Variants in RGS5 observed in about 807,000 individuals in gnomAD.
The protein encoded by RGS5 is regulator of G-protein signalling 5.
In RGS5, 20 loss-of-function variants were observed where a neutral mutation model predicts 18.9. The observed-to-expected ratio is 1.06, with a 90% CI of 0.74 to 1.54. The LOEUF (loss-of-function observed/expected upper bound fraction) is 1.54, where lower values mean the gene tolerates loss of function less well. RGS5 is among the 40% of genes most tolerant of loss of function. The pLI, the probability that RGS5 is intolerant of heterozygous loss-of-function variation, is 0.00. For synonymous variants in RGS5, 57 were observed against 76.2 expected, an observed-to-expected ratio of 0.75 and a Z score of 1.31; for missense variants, 201 against 211.8, an observed-to-expected ratio of 0.95 and a Z score of 0.32.
chr1:163,271,724 C>T lies in RGS5; in HGVS notation c.-281+34509G>A, dbSNP rs373625711. Among the ~76,000 whole-genome samples, 11 of 152,128 alleles carry T rather than the reference C, an allele frequency of 7.2e-5. No individual in the cohort carries two copies. In the East Asian group the frequency reaches 1.5e-3, roughly 21 times the overall value. On this transcript the variant is annotated intron_variant, in intron 2 of 5. Coordinates refer to the RGS5 transcript ENST00000618415. ...ACATTTGGATTGTTTCTAGTTTTAGCCTATTATGAATACTGCTGCTATGAA... is the reference window on the plus strand; with the variant it reads ...ACATTTGGATTGTTTCTAGTTTTAGTCTATTATGAATACTGCTGCTATGAA...
upstream of RGS5, among the ~76,000 whole-genome samples, chr1:163,222,531 C>A (rs911384279): frequency 6.6e-6 from 1 of 152,104 alleles, no homozygotes; most frequent in African/African-American, 2.4e-5. Flanking sequence ...TCTCAACAGT[C>A]AGTATTTAGT....
In RGS5 at chr1:163,314,101, T is replaced by A. The variant is rs191633620; in HGVS notation, c.-378+7521A>T. On this transcript the variant is annotated intron_variant, in intron 1 of 5. Coordinates refer to the RGS5 transcript ENST00000618415. Reference sequence around the variant, plus strand: ...TGTGATAATTAAATGAGGTAATACATGGAGAACACCTGGCATCTGGTACAT... The same window carrying A: ...TGTGATAATTAAATGAGGTAATACAAGGAGAACACCTGGCATCTGGTACAT... 1.2e-3 allele frequency among the ~76,000 whole-genome samples: 182 copies of A among 152,156 alleles called. 2 individuals are homozygous for A. Among genetic ancestry groups the A allele is most frequent in the African/African-American group, 4.2e-3 (175 of 41,510 alleles).
intron 1 of RGS5, among the ~76,000 whole-genome samples, chr1:163,200,309 T>C (rs986002657): frequency 4.6e-5 from 7 of 152,212 alleles, no homozygotes; most frequent in Admixed American, 4.6e-4. Context: ...AGAACTGAAC[T>C]CTTCAGCAGA....
At chr1:163,171,668 T>C (rs1298083953) in intron 1 of RGS5, among the ~76,000 whole-genome samples, 1 of 152,164 alleles carries the variant, frequency 6.6e-6, no homozygotes, top group Non-Finnish European at 1.5e-5. Context: ...AGAATAATAG[T>C]TGGAGATTAA....
intron 1 of RGS5, among the ~76,000 whole-genome samples, chr1:163,171,702 G>GA: frequency 6.6e-6 from 1 of 152,252 alleles, no homozygotes; most frequent in South Asian, 2.1e-4. Flanking sequence ...CAAAGAAATC[G>GA]AATGTATGTA....
intron 1 of RGS5, among the ~76,000 whole-genome samples, chr1:163,309,042 C>T (rs2101647933): frequency 6.6e-6 from 1 of 151,418 alleles, no homozygotes; most frequent in Admixed American, 6.6e-5. Flanking sequence ...TTGATGACTA[C>T]TGACTGATCA....
At position 163,143,054 on chromosome 1, in the gene RGS5, G is replaced by A. The variant is rs1225025233; in HGVS notation, c.*4288C>T. On this transcript the variant is annotated 3_prime_UTR_variant, in exon 5 of 5. Transcript: ENST00000313961. The stretch of plus-strand genomic sequence containing the variant: ...CAAAGCCAGGAGTCTTTTCTCAGTT[G>A]GAAGAGTTGATCTTTTTAGTTTTGG... 2 of 152,188 alleles carry A rather than the reference G, an allele frequency of 1.3e-5. No individual in the cohort carries two copies. The highest frequency in any genetic ancestry group is 2.9e-5 in the Non-Finnish European group (2 of 68,032). The allele number at this position is 152,188 out of a possible 1,614,324, so 9.4% of individuals were successfully genotyped here.
chr1:163,277,466 C>T (rs1648885723), intron 2 of RGS5, among the ~76,000 whole-genome samples: 1 of 152,168 alleles, frequency 6.6e-6, no homozygotes, highest in East Asian at 1.9e-4. Flanking sequence ...GACAACTAAA[C>T]CCCTGGCTCA....
chr1:163,169,928 T>C (rs1658224507), intron 1 of RGS5, among the ~76,000 whole-genome samples: 1 of 152,202 alleles, frequency 6.6e-6, no homozygotes, highest in Admixed American at 6.5e-5. Flanking sequence ...CAGAATTTAC[T>C]GCTTCTTTGT....
chr1:163,291,077 T>G (rs2101725484), intron 2 of RGS5, among the ~76,000 whole-genome samples: 1 of 151,844 alleles, frequency 6.6e-6, no homozygotes, highest in African/African-American at 2.4e-5. Flanking sequence ...GTACTGCAGA[T>G]AGTTTCATCA....
intron 2 of RGS5, among the ~76,000 whole-genome samples, chr1:163,225,351 G>A (rs561787887): frequency 4.6e-5 from 7 of 152,230 alleles, no homozygotes; most frequent in East Asian, 1.9e-4. Flanking sequence ...TCATGAATCC[G>A]TTACTTCCCA....
intron 1 of RGS5, among the ~76,000 whole-genome samples, chr1:163,314,252 G>C (rs1392253371): frequency 6.6e-6 from 1 of 152,070 alleles, no homozygotes; most frequent in Non-Finnish European, 1.5e-5. Flanking sequence ...TGGTCAAACT[G>C]TGTTTACCAG....
chr1:163,165,181 T>C (rs937781308), intron 2 of RGS5, among the ~76,000 whole-genome samples: 8 of 152,210 alleles, frequency 5.3e-5, no homozygotes, highest in Non-Finnish European at 8.8e-5. Context: ...ACCAGGCTCA[T>C]CCTAACCAGG....
chr1:163,299,045 G>A (rs1440670059), intron 2 of RGS5, among the ~76,000 whole-genome samples: 2 of 152,144 alleles, frequency 1.3e-5, no homozygotes, highest in African/African-American at 4.8e-5. Context: ...TTCAAACACT[G>A]TTTCATGGGA....
chr1:163,268,333 G>A (rs527351399), intron 2 of RGS5, among the ~76,000 whole-genome samples: 1 of 152,208 alleles, frequency 6.6e-6, no homozygotes, highest in African/African-American at 2.4e-5. Context: ...ACATACATTA[G>A]AGGTGACTTC....
intron 1 of RGS5, among the ~76,000 whole-genome samples, chr1:163,316,043 G>T (rs371358742): frequency 5.9e-5 from 9 of 152,068 alleles, no homozygotes; most frequent in South Asian, 4.1e-4. Context: ...AAATACTAGC[G>T]TACTTTCAAA....
intron 2 of RGS5, among the ~76,000 whole-genome samples, chr1:163,275,583 T>G (rs1270766667): frequency 1.3e-5 from 2 of 152,220 alleles, no homozygotes; most frequent in Non-Finnish European, 2.9e-5. Flanking sequence ...ATAGTAATTT[T>G]CAAGAATAAA....
At chr1:163,299,406 C>T (rs1649500398) in intron 2 of RGS5, among the ~76,000 whole-genome samples, 1 of 152,118 alleles carries the variant, frequency 6.6e-6, no homozygotes, top group African/African-American at 2.4e-5. Flanking sequence ...TCAGGGAGTC[C>T]ATTGAAGACA....
intron 2 of RGS5, among the ~76,000 whole-genome samples, chr1:163,164,445 T>G (rs1374662478): frequency 6.6e-6 from 1 of 152,204 alleles, no homozygotes; most frequent in African/African-American, 2.4e-5. Flanking sequence ...GCCCAGGAAG[T>G]GGCCATCTCT....
Sources: allele counts gnomAD v4.1 joint callset (sites outside exome capture counted in the v4.1 genomes callset), GRCh38; gene constraint gnomAD v4.1.1; transcripts MANE v1.5; gene names NCBI Gene and HGNC (gene_info 2026-07-23, HGNC 2026-07-21).